Variants in MDM4 observed in about 807,000 individuals in gnomAD.
The protein encoded by MDM4 is protein Mdm4.
Under a neutral mutation model 60.2 loss-of-function variants are expected in MDM4, and 2 were observed. The observed-to-expected ratio is 0.03, with a 90% CI of 0.01 to 0.10. The LOEUF (loss-of-function observed/expected upper bound fraction) is 0.10. Among genes scored for constraint, MDM4 ranks in the 10% least tolerant of loss-of-function variants. The pLI, the probability that MDM4 is intolerant of heterozygous loss-of-function variation, is 1.00. For synonymous variants in MDM4, 202 were observed against 198.1 expected (o/e 1.02, Z -0.17); for missense variants, 447 against 577.5 (o/e 0.77, Z 2.32).
intron 1 of MDM4, among the ~76,000 whole-genome samples, chr1:204,520,149 C>T (rs1386572263): frequency 1.3e-5 from 2 of 151,836 alleles, no homozygotes; most frequent in Admixed American, 6.6e-5. Flanking sequence ...AGGTGGTGGA[C>T]GCCTGTAGTC....
In MDM4 at chr1:204,516,504, C is replaced by T. The variant is rs1341358527; in HGVS notation, c.-41C>T. 2 of 152,426 alleles carry T rather than the reference C, an allele frequency of 1.3e-5. No homozygotes were observed. Among genetic ancestry groups the T allele is most frequent in the East Asian group, 1.9e-4 (1 of 5,188 alleles). 9.4% of individuals were successfully genotyped at this position (152,426 alleles called of 1,614,324 possible). ...GCGGGGGAGCGACTCATGGAGCTGCCGTAAGGTGTGGCTCTTGGCCTTCGT... is the reference window on the plus strand; with the variant it reads ...GCGGGGGAGCGACTCATGGAGCTGCTGTAAGGTGTGGCTCTTGGCCTTCGT... On this transcript the variant is annotated 5_prime_UTR_variant, in exon 1 of 11. Transcript: ENST00000367182.
intron 3 of MDM4, chr1:204,529,181 C>T: frequency 1.2e-6 from 1 of 812,646 alleles, no homozygotes; most frequent in East Asian, 2.5e-5. Context: ...AAGCCGTAGA[C>T]ATTTATGTGG....
chr1:204,529,516 C>G, intron 3 of MDM4: 1 of 1,512,476 alleles, frequency 6.6e-7, no homozygotes, highest in African/African-American at 1.4e-5. Context: ...GGCCCTCTAC[C>G]AGCTGGTGGT....
chr1:204,543,025 A>T, intron 8 of MDM4, 81 bp downstream of exon 8: 1 of 1,191,430 alleles, frequency 8.4e-7, no homozygotes, highest in East Asian at 2.3e-5. Flanking sequence ...CACACATTAT[A>T]TTCTCTAAGA....
In MDM4 at chr1:204,553,638, T is replaced by TACAA. The variant is rs1326313656; in HGVS notation, c.*3957_*3958insCAAA. Reference sequence around the variant, plus strand: ...TTGTTTTAGTTGTCAAATTAATATTTATGATTGTTATCTTGGGCGAAAAGT... The same window carrying TACAA: ...TTGTTTTAGTTGTCAAATTAATATTTACAAATGATTGTTATCTTGGGCGAAAAGT... On this transcript the variant is annotated 3_prime_UTR_variant, in exon 11 of 11. Transcript: ENST00000367182. 22 of 227,718 alleles carry TACAA rather than the reference T, an allele frequency of 9.7e-5. 1 individual carries two copies. The South Asian group carries it at 2.6e-3, about 26-fold the overall frequency. The allele number at this position is 227,718 out of a possible 1,614,324, so 14.1% of individuals were successfully genotyped here.
rs748966155 is a variant in MDM4, at chr1:204,538,230, A to C, written c.433A>C (p.Thr145Pro). ...TCAGCAAAGTGCAGAGGAAAGTTCCACTTCCAGAAAAAGAACTACAGAAGA... is the reference window on the plus strand; with the variant it reads ...TCAGCAAAGTGCAGAGGAAAGTTCCCCTTCCAGAAAAAGAACTACAGAAGA... Reference protein sequence around the residue: ...QLKQSAEESSTSRKRTTEDDI... With the variant: ...QLKQSAEESSPSRKRTTEDDI... The change falls in exon 7 of 11, where the codon ACT becomes CCT. Residue 145 changes from threonine (T) to proline (P), a missense_variant. By Grantham distance (38) the Thr-to-Pro change is conservative. Transcript: ENST00000367182. The C allele has an allele frequency of 3.1e-6, 5 of 1,609,098 alleles. No individual in the cohort carries two copies. Among genetic ancestry groups the C allele is most frequent in the Non-Finnish European group, 3.4e-6 (4 of 1,175,420 alleles).
chr1:204,544,773 AT>A, intron 9 of MDM4, 89 bp downstream of exon 9: 1 of 1,175,434 alleles, frequency 8.5e-7, no homozygotes, highest in Non-Finnish European at 1.2e-6. Context: ...TTTACAACAG[AT>A]TGCTCACATA....
intron 7 of MDM4, among the ~76,000 whole-genome samples, chr1:204,539,525 T>G (rs1446391768): frequency 6.8e-6 from 1 of 146,680 alleles, no homozygotes; most frequent in Admixed American, 6.8e-5. Flanking sequence ...TGTTTTTTTT[T>G]TTTGTTTTGT....
chr1:204,537,830 G>T, intron 6 of MDM4: 1 of 651,928 alleles, frequency 1.5e-6, no homozygotes, highest in Non-Finnish European at 2.9e-6. Flanking sequence ...TTCATGTCAG[G>T]CCATTTCCTA....
intron 5 of MDM4, among the ~76,000 whole-genome samples, chr1:204,535,526 A>G (rs1249687679): frequency 6.6e-6 from 1 of 150,718 alleles, no homozygotes; most frequent in Admixed American, 6.6e-5. Flanking sequence ...AAATATGACT[A>G]ACTTTGTGTG....
chr1:204,522,102 C>G (rs1236827423), intron 1 of MDM4, among the ~76,000 whole-genome samples: 1 of 152,068 alleles, frequency 6.6e-6, no homozygotes, highest in Non-Finnish European at 1.5e-5. Context: ...GAGGCTGAAG[C>G]AGGAGGATCA....
Position 204,554,880 on chromosome 1 carries a change from G to A in MDM4, c.*5198G>A. ...TTCAGATCTTTTGATGTGCACTAAT[G>A]CCATTATTGGTAATGCCGTTATTGG... is the stretch of plus-strand genomic sequence containing the variant. On this transcript the variant is annotated 3_prime_UTR_variant, in exon 11 of 11. Transcript: ENST00000367182. 1 of 224,808 alleles carries A rather than the reference G, an allele frequency of 4.4e-6. No homozygotes were observed. 13.9% of individuals were successfully genotyped at this position (224,808 alleles called of 1,614,324 possible).
Position 204,550,677 on chromosome 1 carries a change from A to G in MDM4, c.*995A>G, listed in dbSNP as rs1270914966. 4 of 171,510 alleles carry G rather than the reference A, an allele frequency of 2.3e-5. No individual in the cohort carries two copies. The highest frequency in any genetic ancestry group is 3.7e-5 in the Non-Finnish European group (3 of 82,090). 10.6% of individuals were successfully genotyped at this position (171,510 alleles called of 1,614,324 possible). On this transcript the variant is annotated 3_prime_UTR_variant, in exon 11 of 11. Transcript: ENST00000367182. ...TGATCCTCCAGCCTCAGCTTCCCTC[A>G]CAGGCATTCACTATCACTCCCAGCT... is the stretch of plus-strand genomic sequence containing the variant.
In MDM4 at chr1:204,553,195, T is replaced by C. The variant is rs552547070; in HGVS notation, c.*3513T>C. On this transcript the variant is annotated 3_prime_UTR_variant, in exon 11 of 11. Coordinates refer to ENST00000367182, the MANE Select transcript of MDM4 (RefSeq NM_002393.5). The stretch of plus-strand genomic sequence containing the variant: ...GCTTAAACTATTTTCTTGGTCTGTT[T>C]TTGATTTTCTTTTTTCCTTGCCACT... 1 of 185,990 alleles carries C rather than the reference T, an allele frequency of 5.4e-6. No individual in the cohort carries two copies. Among genetic ancestry groups the C allele is most frequent in the Non-Finnish European group, 1.1e-5 (1 of 87,928 alleles). 11.5% of individuals were successfully genotyped at this position (185,990 alleles called of 1,614,324 possible).
At position 204,529,771 on chromosome 1, in the gene MDM4, T is replaced by C. The variant is rs4252693; in HGVS notation, c.154-913T>C. 3.3e-3 allele frequency: 1,230 copies of C among 375,432 alleles called. 12 individuals carry two copies. Among genetic ancestry groups the C allele is most frequent in the African/African-American group, 0.023 (1,114 of 47,960 alleles). The allele number at this position is 375,432 out of a possible 1,614,324, so 23.3% of individuals were successfully genotyped here. On this transcript the variant is annotated intron_variant, in intron 3 of 10. Transcript: ENST00000367182. ...TCATTATAGTGGTTATGATGAATTA[T>C]GCCATCTCCTTCATTTAGCATGGCA... is the stretch of plus-strand genomic sequence containing the variant.
At chr1:204,545,419 T>G (rs1260609235) in intron 9 of MDM4, among the ~76,000 whole-genome samples, 1 of 152,172 alleles carries the variant, frequency 6.6e-6, no homozygotes, top group Non-Finnish European at 1.5e-5. Flanking sequence ...ACAGGCAACT[T>G]GCTCAAGACT....
Position 204,531,365 on chromosome 1 carries a change from T to C in MDM4, c.287+548T>C, listed in dbSNP as rs571763190. Among the ~76,000 whole-genome samples, 75 of 152,290 alleles carry C rather than the reference T, an allele frequency of 4.9e-4. No homozygotes were observed. The Middle Eastern group carries it at 0.01, about 21-fold the overall frequency. On this transcript the variant is annotated intron_variant, in intron 4 of 10. Transcript: ENST00000367182. ...GAATTGCTGGGCAGTTAGAGGTTGA[T>C]GATGAGCCTGGTAAGAATCACAGTA...
At chr1:204,523,989 T>C (rs1659851785) in intron 1 of MDM4, among the ~76,000 whole-genome samples, 2 of 152,010 alleles carry the variant, frequency 1.3e-5, no homozygotes, top group African/African-American at 4.8e-5. Flanking sequence ...GCGAGTAGTA[T>C]GGCGGGAAGA....
At chr1:204,537,744 T>C (rs551649369) in intron 6 of MDM4, 2 of 599,012 alleles carry the variant, frequency 3.3e-6, no homozygotes, top group South Asian at 4.1e-5. Flanking sequence ...CATTTTTCTT[T>C]GGGTTTGTGT....
Sources: allele counts gnomAD v4.1 joint callset (sites outside exome capture counted in the v4.1 genomes callset), GRCh38; gene constraint gnomAD v4.1.1; transcripts MANE v1.5; gene names NCBI Gene and HGNC (gene_info 2026-07-23, HGNC 2026-07-21).